Variants in MVB12B observed in about 807,000 individuals in gnomAD.
The protein encoded by MVB12B is ESCRT-I complex subunit MVB12B.
MVB12B carries 16 observed loss-of-function variants against 41.6 expected under a neutral mutation model. The ratio of observed to expected loss-of-function variants is 0.38; its 90% CI spans 0.26 to 0.58. MVB12B has a LOEUF of 0.58. MVB12B is among the 20% of genes least tolerant of loss of function. The pLI is 0.62. For missense variants in MVB12B, 274 were observed against 380.2 expected (o/e 0.72, Z 2.32); for synonymous variants, 133 against 139.7 (o/e 0.95, Z 0.34).
At chr9:126,369,195 G>A (rs1327067316) in intron 2 of MVB12B, among the ~76,000 whole-genome samples, 1 of 152,182 alleles carries the variant, frequency 6.6e-6, no homozygotes, top group Non-Finnish European at 1.5e-5. Flanking sequence ...AAAGGTATTT[G>A]TTGTTTGTCA....
At chr9:126,404,477 T>C (rs1220962058) in intron 6 of MVB12B, among the ~76,000 whole-genome samples, 4 of 152,238 alleles carry the variant, frequency 2.6e-5, no homozygotes, top group Admixed American at 2.0e-4. Flanking sequence ...GCCAAGCATG[T>C]GCCTGGAAGG....
At chr9:126,453,439 C>G (rs184390577) in intron 7 of MVB12B, among the ~76,000 whole-genome samples, 1 of 152,174 alleles carries the variant, frequency 6.6e-6, no homozygotes, top group South Asian at 2.1e-4. Flanking sequence ...TCTCCCTTCT[C>G]AAGTATGGAG....
intron 2 of MVB12B, among the ~76,000 whole-genome samples, chr9:126,354,298 G>C (rs934428286): frequency 6.6e-6 from 1 of 152,038 alleles, no homozygotes; most frequent in Non-Finnish European, 1.5e-5. Flanking sequence ...ATCACATTTT[G>C]TTGATATGTT....
chr9:126,493,581 C>T (rs1833776840), intron 9 of MVB12B, among the ~76,000 whole-genome samples: 2 of 152,160 alleles, frequency 1.3e-5, no homozygotes, highest in Non-Finnish European at 2.9e-5. Flanking sequence ...AGCCCACTCT[C>T]GATTTTTATT....
chr9:126,409,063 C>T (rs1393365829), intron 6 of MVB12B, among the ~76,000 whole-genome samples: 9 of 152,254 alleles, frequency 5.9e-5, no homozygotes, highest in Non-Finnish European at 5.9e-5. Context: ...GCTGCCCCCA[C>T]CTCCACCATT....
At chr9:126,454,846 T>C (rs1832949580) in intron 7 of MVB12B, among the ~76,000 whole-genome samples, 1 of 152,166 alleles carries the variant, frequency 6.6e-6, no homozygotes, top group Non-Finnish European at 1.5e-5. Context: ...CTTTAAATGC[T>C]TTGACACATG....
In MVB12B at chr9:126,389,429, T is replaced by A. The variant is rs558946669; in HGVS notation, c.410-2637T>A. Among the ~76,000 whole-genome samples the A allele has an allele frequency of 5.0e-4, 76 of 152,336 alleles. 1 individual carries two copies. Among genetic ancestry groups the A allele is most frequent in the African/African-American group, 1.7e-3 (69 of 41,586 alleles). ...ATAGCACTGAAAAACTGGAAGATGT[T>A]TGTTTTAGTAAAGTGCTGTGTACTT... On this transcript the variant is annotated intron_variant, in intron 4 of 9. Coordinates refer to ENST00000361171, the MANE Select transcript of MVB12B (RefSeq NM_033446.3). The surrounding 1 kb of genome is among the most constrained non-coding windows in gnomAD (Gnocchi z 4.4).
Position 126,395,865 on chromosome 9 carries a change from T to C in MVB12B, c.662+168T>C. 7.0e-7 allele frequency: 1 copy of C among 1,431,106 alleles called. No individual in the cohort carries two copies. Among genetic ancestry groups the C allele is most frequent in the East Asian group, 2.5e-5 (1 of 39,850 alleles). The allele number at this position is 1,431,106 out of a possible 1,614,324, so 88.7% of individuals were successfully genotyped here. ...TTTTTAAAAATCCACTTGGAAATCTTTGCATTACATGAATGCAAAGGCCAT... is the reference window on the plus strand; with the variant it reads ...TTTTTAAAAATCCACTTGGAAATCTCTGCATTACATGAATGCAAAGGCCAT... On this transcript the variant is annotated intron_variant, in intron 6 of 9. Transcript: ENST00000361171. The surrounding 1 kb of genome is among the most constrained non-coding windows in gnomAD (Gnocchi z 4.9).
At chr9:126,444,327 A>G (rs1832713850) in intron 7 of MVB12B, among the ~76,000 whole-genome samples, 1 of 152,184 alleles carries the variant, frequency 6.6e-6, no homozygotes, top group African/African-American at 2.4e-5. Context: ...TGCATGTATG[A>G]AAGAGGTTTG....
At chr9:126,422,002 C>A in intron 7 of MVB12B, 54 bp downstream of exon 7, 1 of 1,245,108 alleles carries the variant, frequency 8.0e-7, no homozygotes, top group Non-Finnish European at 1.2e-6. Context: ...CCGGGCGCCA[C>A]CTCCTTCCAC....
intron 7 of MVB12B, among the ~76,000 whole-genome samples, chr9:126,451,000 C>CA (rs1564335908): frequency 6.6e-6 from 1 of 152,212 alleles, no homozygotes; most frequent in African/African-American, 2.4e-5. Context: ...GCCTTTCTCC[C>CA]ATGGTGACTG....
intron 6 of MVB12B, among the ~76,000 whole-genome samples, chr9:126,397,860 C>G (rs902895075): frequency 6.6e-6 from 1 of 152,186 alleles, no homozygotes; most frequent in Non-Finnish European, 1.5e-5. Context: ...TCTCTACACT[C>G]TCCAGAGGAG....
intron 7 of MVB12B, among the ~76,000 whole-genome samples, chr9:126,446,037 G>A (rs1294023590): frequency 6.6e-6 from 1 of 152,120 alleles, no homozygotes; most frequent in Non-Finnish European, 1.5e-5. Flanking sequence ...GACTTTAATG[G>A]GAATGCTTCT....
At chr9:126,434,979 G>A (rs1832430111) in intron 7 of MVB12B, among the ~76,000 whole-genome samples, 1 of 152,134 alleles carries the variant, frequency 6.6e-6, no homozygotes, top group Non-Finnish European at 1.5e-5. Context: ...ATGTTTCGTT[G>A]ATTCTGAGAG....
intron 9 of MVB12B, among the ~76,000 whole-genome samples, chr9:126,495,239 G>A (rs931210140): frequency 4.0e-5 from 6 of 150,780 alleles, no homozygotes; most frequent in Admixed American, 1.3e-4. Flanking sequence ...AAGGGAAATA[G>A]CATTTATTCA....
At chr9:126,426,969 C>T (rs1030655271) in intron 7 of MVB12B, 1 of 152,342 alleles carries the variant, frequency 6.6e-6, no homozygotes, top group Non-Finnish European at 1.5e-5. Flanking sequence ...AAAATGAGTG[C>T]TCTTGTTTTC....
chr9:126,393,291 G>T (rs1831012641), intron 5 of MVB12B, among the ~76,000 whole-genome samples: 1 of 152,214 alleles, frequency 6.6e-6, no homozygotes, highest in Admixed American at 6.5e-5. Context: ...GCCGGCACTG[G>T]GTTCTGGTTT....
intron 7 of MVB12B, among the ~76,000 whole-genome samples, chr9:126,437,135 G>A (rs1176127608): frequency 2.6e-5 from 4 of 152,160 alleles, no homozygotes; most frequent in African/African-American, 9.7e-5. Flanking sequence ...GTTTTAGGGT[G>A]AACAGGCAAG....
At chr9:126,401,470 C>G (rs951886873) in intron 6 of MVB12B, among the ~76,000 whole-genome samples, 1 of 152,258 alleles carries the variant, frequency 6.6e-6, no homozygotes, top group African/African-American at 2.4e-5. Flanking sequence ...ATTTTGATTG[C>G]AGAAGATCTG....
Sources: allele counts gnomAD v4.1 joint callset (sites outside exome capture counted in the v4.1 genomes callset), GRCh38; gene constraint gnomAD v4.1.1; non-coding constraint Gnocchi (gnomAD v3.1); transcripts MANE v1.5; gene names NCBI Gene and HGNC (gene_info 2026-07-23, HGNC 2026-07-21).